Variants in CLEC4C observed in about 807,000 individuals in gnomAD.
CLEC4C encodes C-type lectin domain family 4 member C, also known as C-type (calcium dependent, carbohydrate-recognition domain) lectin, superfamily member 11.
In CLEC4C, 17 loss-of-function variants were observed where a neutral mutation model predicts 27.7. The observed-to-expected ratio is 0.61, with a 90% CI of 0.42 to 0.92. The LOEUF (loss-of-function observed/expected upper bound fraction) is 0.92. Ranked by LOEUF, CLEC4C falls within the 40% of genes least tolerant of loss-of-function variation. The pLI is 0.00. For synonymous variants in CLEC4C, 80 were observed against 80.8 expected, an observed-to-expected ratio of 0.99 and a Z score of 0.06; for missense variants, 244 against 257.3, an observed-to-expected ratio of 0.95 and a Z score of 0.35.
chr12:7,745,937 C>T lies in CLEC4C; in HGVS notation c.124+394G>A, dbSNP rs114987539. Among the ~76,000 whole-genome samples, 1,301 of 151,334 alleles carry T rather than the reference C, an allele frequency of 8.6e-3. 15 individuals carry two copies. The highest frequency in any genetic ancestry group is 0.02 in the African/African-American group (811 of 41,298). On this transcript the variant is annotated intron_variant, in intron 2 of 5. Coordinates refer to ENST00000360345, the MANE Select transcript of CLEC4C (RefSeq NM_001371390.1). ...TTATGTCAAGAAAGGGGAACGTGGC[C>T]GGGCGCGGTGGCTCACACCTGTAAT...
upstream of CLEC4C, chr12:7,749,289 C>T (rs895790779): frequency 6.6e-6 from 1 of 151,798 alleles, no homozygotes; most frequent in Non-Finnish European, 1.5e-5. Flanking sequence ...TGTAGTGGCT[C>T]GTGCCTATAA....
chr12:7,732,378 A>G (rs1316421668), intron 4 of CLEC4C, among the ~76,000 whole-genome samples: 7 of 136,214 alleles, frequency 5.1e-5, no homozygotes, highest in African/African-American at 1.7e-4. Flanking sequence ...TTTGAGATGG[A>G]GTCTCACTCT....
intron 4 of CLEC4C, among the ~76,000 whole-genome samples, chr12:7,732,789 C>T (rs755969407): frequency 1.6e-4 from 24 of 151,436 alleles, no homozygotes; most frequent in African/African-American, 5.1e-4. Context: ...GGTGAAACCC[C>T]GTCTCTACCA....
chr12:7,742,551 T>C (rs775116142), intron 2 of CLEC4C, among the ~76,000 whole-genome samples: 1 of 149,392 alleles, frequency 6.7e-6, no homozygotes, highest in South Asian at 2.1e-4. Context: ...GGCTCATGCT[T>C]GTAATCCCCA....
chr12:7,746,444 A>G (rs1248006213), intron 1 of CLEC4C, 21 bp from the exon 2 acceptor site: 1 of 1,513,698 alleles, frequency 6.6e-7, no homozygotes, highest in African/African-American at 1.4e-5. Flanking sequence ...AGCATGACAA[A>G]TGCACAGTCA....
chr12:7,744,408 T>C (rs961383029), intron 2 of CLEC4C, among the ~76,000 whole-genome samples: 2 of 152,184 alleles, frequency 1.3e-5, no homozygotes, highest in Admixed American at 6.6e-5. Flanking sequence ...TAGGAAGTCA[T>C]CGTATTCAGT....
chr12:7,737,654 G>T, intron 3 of CLEC4C, 80 bp from the exon 4 acceptor site: 1 of 1,385,854 alleles, frequency 7.2e-7, no homozygotes, highest in East Asian at 2.3e-5. Context: ...AGCTTGCTAA[G>T]GTTTAATTAG....
At position 7,741,311 on chromosome 12, in the gene CLEC4C, T is replaced by A. The variant is rs1256155690; in HGVS notation, c.235+110A>T. On this transcript the variant is annotated intron_variant, in intron 3 of 5. Transcript: ENST00000360345. ...CCAAGTAGATAGTTAAAGAATGCAG[T>A]AGGAAAAACCAGGCTGCAGTTGATA... The A allele has an allele frequency of 1.0e-5, 7 of 683,432 alleles. No homozygotes were observed. The East Asian group carries it at 1.8e-4, about 17-fold the overall frequency. 42.3% of individuals were successfully genotyped at this position (683,432 alleles called of 1,614,324 possible).
intron 3 of CLEC4C, among the ~76,000 whole-genome samples, chr12:7,740,113 C>T (rs1282158639): frequency 2.0e-5 from 3 of 151,282 alleles, no homozygotes; most frequent in Non-Finnish European, 4.4e-5. Flanking sequence ...GGATTACAGG[C>T]ATGAGCCACC....
At chr12:7,730,948 A>G (rs1336000904) in intron 4 of CLEC4C, 36 bp from the exon 5 acceptor site, 1 of 1,076,840 alleles carries the variant, frequency 9.3e-7, no homozygotes. Flanking sequence ...TAGCTGATAG[A>G]GCAGGAGCAC....
intron 2 of CLEC4C, 97 bp downstream of exon 2, chr12:7,746,234 G>C: frequency 1.8e-6 from 1 of 568,136 alleles, no homozygotes; most frequent in East Asian, 3.6e-5. Flanking sequence ...AAAAAAAAAA[G>C]AAAAAAAAAG....
intron 3 of CLEC4C, among the ~76,000 whole-genome samples, chr12:7,738,157 A>G (rs1458793122): frequency 1.3e-5 from 2 of 152,228 alleles, no homozygotes; most frequent in African/African-American, 2.4e-5. Flanking sequence ...TCCCATTATA[A>G]AGAATGAGTC....
intron 3 of CLEC4C, 118 bp downstream of exon 3, chr12:7,741,303 G>A: frequency 1.5e-6 from 1 of 652,082 alleles, no homozygotes; most frequent in Non-Finnish European, 2.8e-6. Context: ...GATAGTTAAA[G>A]AATGCAGTAG....
intron 3 of CLEC4C, among the ~76,000 whole-genome samples, chr12:7,740,152 G>A (rs7971269): frequency 0.97 from 146,757 of 151,668 alleles, 71,166 homozygotes; most frequent in South Asian, 1. Flanking sequence ...TTATTTTTAA[G>A]TATTTTGTAG....
chr12:7,743,348 G>A (rs150032474), intron 2 of CLEC4C, among the ~76,000 whole-genome samples: 1 of 151,470 alleles, frequency 6.6e-6, no homozygotes, highest in African/African-American at 2.4e-5. Flanking sequence ...CATAGAGCAA[G>A]ATCTGACTTT....
At chr12:7,732,553 C>T (rs1864621141) in intron 4 of CLEC4C, among the ~76,000 whole-genome samples, 1 of 149,704 alleles carries the variant, frequency 6.7e-6, no homozygotes, top group African/African-American at 2.5e-5. Flanking sequence ...GGGGTTTCAC[C>T]ATGTTGGCCA....
intron 4 of CLEC4C, among the ~76,000 whole-genome samples, chr12:7,735,650 C>G (rs1162683334): frequency 6.6e-6 from 1 of 150,434 alleles, no homozygotes; most frequent in Non-Finnish European, 1.5e-5. Flanking sequence ...ACTAAAAATA[C>G]AAAAATTAGC....
In CLEC4C at chr12:7,735,104, G is replaced by C. The variant is rs201171432; in HGVS notation, c.381+2325C>G. Among the ~76,000 whole-genome samples, 10 of 152,060 alleles carry C rather than the reference G, an allele frequency of 6.6e-5. No individual in the cohort carries two copies. In the East Asian group the frequency reaches 2.0e-3, roughly 30 times the overall value. ...TAATCCCAGCTGGTCAGGAGGCTGA[G>C]TCAGAAGAATCACTTGAACACAGAA... On this transcript the variant is annotated intron_variant, in intron 4 of 5. Transcript: ENST00000360345.
intron 3 of CLEC4C, among the ~76,000 whole-genome samples, chr12:7,738,764 A>C (rs1864783835): frequency 6.6e-6 from 1 of 152,152 alleles, no homozygotes; most frequent in African/African-American, 2.4e-5. Context: ...AGCTGCCCTG[A>C]AGTGCTGGAA....
Sources: allele counts gnomAD v4.1 joint callset (sites outside exome capture counted in the v4.1 genomes callset), GRCh38; gene constraint gnomAD v4.1.1; transcripts MANE v1.5; gene names NCBI Gene and HGNC (gene_info 2026-07-23, HGNC 2026-07-21).